RAP1GAP2: variants seen among roughly 807,000 people sequenced by gnomAD.
RAP1GAP2 encodes the protein rap1 GTPase-activating protein 2.
In RAP1GAP2, 27 loss-of-function variants were observed where a neutral mutation model predicts 95.0. The observed-to-expected ratio is 0.28, with a 90% CI of 0.21 to 0.39. The LOEUF (loss-of-function observed/expected upper bound fraction) is 0.39. RAP1GAP2 is among the 10% of genes least tolerant of loss of function. RAP1GAP2 has a pLI of 1.00. For synonymous variants in RAP1GAP2, 373 were observed against 380.9 expected (o/e 0.98, Z 0.24); for missense variants, 771 against 970.0 (o/e 0.79, Z 2.72).
intron 2 of RAP1GAP2, among the ~76,000 whole-genome samples, chr17:2,898,591 C>T (rs934560614): frequency 1.3e-5 from 2 of 152,210 alleles, no homozygotes; most frequent in African/African-American, 4.8e-5. Flanking sequence ...CAGCTGGGCT[C>T]CCGTGTCCCT....
chr17:2,988,418 G>A (rs1239089946), intron 11 of RAP1GAP2, among the ~76,000 whole-genome samples: 1 of 152,146 alleles, frequency 6.6e-6, no homozygotes, highest in African/African-American at 2.4e-5. Context: ...CCACTCATCT[G>A]TTCTCCAACT....
In RAP1GAP2 at chr17:2,848,119, G is replaced by T. The variant is rs925700407; in HGVS notation, c.80+47569G>T. On this transcript the variant is annotated intron_variant, in intron 2 of 24. Coordinates refer to ENST00000254695, the MANE Select transcript of RAP1GAP2 (RefSeq NM_015085.5). ...TTCTGATTGACATCACGTACTGCAG[G>T]CCCCACCTTCATGGCTCTGGGTACC... Among the ~76,000 whole-genome samples the T allele has an allele frequency of 3.9e-4, 60 of 152,112 alleles. 1 individual carries two copies. The highest frequency in any genetic ancestry group is 7.4e-5 in the Non-Finnish European group (5 of 68,010).
intron 2 of RAP1GAP2, among the ~76,000 whole-genome samples, chr17:2,856,090 T>C (rs982391599): frequency 1.3e-5 from 2 of 152,226 alleles, no homozygotes; most frequent in Admixed American, 1.3e-4. Context: ...CATCTTCCCC[T>C]GGACTTGGAT....
chr17:2,769,208 G>C (rs966712273), intron 1 of RAP1GAP2, among the ~76,000 whole-genome samples: 1 of 125,190 alleles, frequency 8.0e-6, no homozygotes, highest in African/African-American at 3.0e-5. Context: ...CTCTAGCCTG[G>C]ATGAGAAAGT....
At chr17:2,817,946 C>T (rs1030581598) in intron 2 of RAP1GAP2, among the ~76,000 whole-genome samples, 3 of 150,446 alleles carry the variant, frequency 2.0e-5, no homozygotes, top group African/African-American at 2.4e-5. Flanking sequence ...ATGCCATTCT[C>T]CTGCCTCAGC....
At chr17:2,830,861 A>G (rs1597391091) in intron 2 of RAP1GAP2, among the ~76,000 whole-genome samples, 1 of 151,048 alleles carries the variant, frequency 6.6e-6, no homozygotes, top group Admixed American at 6.6e-5. Flanking sequence ...CCTACATTCT[A>G]AAATTCACTT....
rs540904511 is a variant in RAP1GAP2, at chr17:2,799,875, G to A, written c.45-640G>A. On this transcript the variant is annotated intron_variant, in intron 1 of 24. Coordinates refer to ENST00000254695, the MANE Select transcript of RAP1GAP2 (RefSeq NM_015085.5). ...CGCTGTCTCCCCTTCCAGTGAGGGC[G>A]GGCACAGGCTGGGGATGGAGGAGCT... Among the ~76,000 whole-genome samples the A allele has an allele frequency of 1.7e-4, 26 of 152,276 alleles. 1 individual carries two copies. The South Asian group carries it at 4.1e-3, about 24-fold the overall frequency.
At chr17:2,767,214 T>G (rs114090385) in intron 1 of RAP1GAP2, among the ~76,000 whole-genome samples, 2,854 of 151,168 alleles carry the variant, frequency 0.019, 94 homozygotes, top group African/African-American at 0.065. Flanking sequence ...ACACAAAAAT[T>G]AACCGGGTGT....
chr17:2,755,896 G>T (rs2071130716), intron 1 of RAP1GAP2: 1 of 285,296 alleles, frequency 3.5e-6, no homozygotes, highest in Non-Finnish European at 6.6e-6. Context: ...CGGGTGGGCG[G>T]AGGGGCGCCG....
intron 3 of RAP1GAP2, among the ~76,000 whole-genome samples, chr17:2,932,280 G>C (rs1217580110): frequency 6.6e-6 from 1 of 152,054 alleles, no homozygotes; most frequent in African/African-American, 2.4e-5. Context: ...GAGCGTGTGG[G>C]AGCGGCCAAG....
At chr17:2,890,877 G>A (rs1455740950) in intron 2 of RAP1GAP2, among the ~76,000 whole-genome samples, 2 of 151,514 alleles carry the variant, frequency 1.3e-5, no homozygotes, top group African/African-American at 2.4e-5. Context: ...GTAGAGACGG[G>A]GTTTCACTGT....
chr17:2,882,888 T>C (rs574657795), intron 2 of RAP1GAP2, among the ~76,000 whole-genome samples: 4 of 152,230 alleles, frequency 2.6e-5, no homozygotes, highest in Non-Finnish European at 4.4e-5. Flanking sequence ...GCTAGCGCTA[T>C]GCTGGCACAC....
intron 3 of RAP1GAP2, among the ~76,000 whole-genome samples, chr17:2,921,043 G>A (rs1007208131): frequency 4.6e-5 from 7 of 152,134 alleles, no homozygotes; most frequent in Non-Finnish European, 1.0e-4. Flanking sequence ...CCTCCCGCTG[G>A]CTTCTTCTCC....
At chr17:2,961,100 C>T (rs2044304072) in intron 4 of RAP1GAP2, among the ~76,000 whole-genome samples, 1 of 151,798 alleles carries the variant, frequency 6.6e-6, no homozygotes, top group African/African-American at 2.4e-5. Context: ...GCCTGTAATC[C>T]CAGTTACTTG....
intron 4 of RAP1GAP2, among the ~76,000 whole-genome samples, chr17:2,961,437 C>T (rs1597728141): frequency 6.6e-6 from 1 of 152,098 alleles, no homozygotes; most frequent in South Asian, 2.1e-4. Context: ...ATTGCTTGAA[C>T]CTGGGAGGTG....
intron 9 of RAP1GAP2, 119 bp downstream of exon 9, chr17:2,980,484 T>C (rs1324907874): frequency 9.9e-7 from 1 of 1,005,488 alleles, no homozygotes; most frequent in African/African-American, 1.6e-5. Flanking sequence ...GAGGCCACTT[T>C]ACTCTTTGGC....
chr17:2,911,717 C>A (rs867761560), intron 3 of RAP1GAP2, among the ~76,000 whole-genome samples: 4 of 151,636 alleles, frequency 2.6e-5, no homozygotes, highest in African/African-American at 4.9e-5. Context: ...GGTGGGGCAG[C>A]CGGAAGGGGC....
At chr17:2,914,670 T>G (rs997489178) in intron 3 of RAP1GAP2, among the ~76,000 whole-genome samples, 3 of 147,524 alleles carry the variant, frequency 2.0e-5, no homozygotes, top group Non-Finnish European at 4.5e-5. Flanking sequence ...TTTTGTATTT[T>G]TAGTAGAGAC....
At chr17:2,923,223 A>G (rs1342574100) in intron 3 of RAP1GAP2, among the ~76,000 whole-genome samples, 2 of 151,902 alleles carry the variant, frequency 1.3e-5, no homozygotes, top group East Asian at 1.9e-4. Flanking sequence ...TATTTTTAAT[A>G]GAGATGGGGT....
Sources: allele counts gnomAD v4.1 joint callset (sites outside exome capture counted in the v4.1 genomes callset), GRCh38; gene constraint gnomAD v4.1.1; transcripts MANE v1.5; gene names NCBI Gene and HGNC (gene_info 2026-07-23, HGNC 2026-07-21).